Variants in MTMR10 observed in about 807,000 individuals in gnomAD.
The protein encoded by MTMR10 is myotubularin-related protein 10.
A neutral mutation model predicts 88.1 loss-of-function variants in MTMR10; 56 were observed. That is an observed-to-expected ratio of 0.64 (90% CI 0.51 to 0.79). MTMR10 has a LOEUF of 0.79. MTMR10 is among the 30% of genes least tolerant of loss of function. MTMR10 has a pLI of 0.00. For missense variants in MTMR10, 883 were observed against 924.7 expected (o/e 0.95, Z 0.58); for synonymous variants, 380 against 340.9 (o/e 1.11, Z -1.26).
chr15:30,976,913 A>G lies in MTMR10; in HGVS notation c.164T>C (p.Ile55Thr), dbSNP rs1595942033. 1.2e-6 allele frequency: 2 copies of G among 1,613,662 alleles called. No homozygotes were observed. Among genetic ancestry groups the G allele is most frequent in the East Asian group, 2.2e-5 (1 of 44,866 alleles). Residue 55 changes from isoleucine (I) to threonine (T), a missense_variant, in exon 3 of 16, where the codon ATT becomes ACT. Ile to Thr is a moderately conservative substitution (Grantham distance 89). Transcript: ENST00000435680. ...VNEVNFVRKC[I>T]ATDTSQYDLW... is the part of the protein sequence containing the mutation. ...ATCGTACTGGCTTGTGTCTGTTGCA[A>G]TGCATTTTCTCACAAAATTGACTTC...
chr15:30,955,208 C>CA (rs1396528350), intron 9 of MTMR10, among the ~76,000 whole-genome samples: 1 of 152,340 alleles, frequency 6.6e-6, no homozygotes, highest in East Asian at 1.9e-4. Flanking sequence ...TTGACTACTG[C>CA]AGAATGCTGC....
Position 30,991,511 on chromosome 15 carries a change from C to T in MTMR10, c.-5G>A, listed in dbSNP as rs568902405. 9 of 1,532,086 alleles carry T rather than the reference C, an allele frequency of 5.9e-6. No individual in the cohort carries two copies. The highest frequency in any genetic ancestry group is 1.3e-5 in the South Asian group (1 of 79,786). 94.9% of individuals were successfully genotyped at this position (1,532,086 alleles called of 1,614,324 possible). A position where few individuals can be genotyped will look rare whatever the true frequency, so the allele number is the denominator to read the frequency against. On this transcript the variant is annotated 5_prime_UTR_variant, in exon 1 of 16. Transcript: ENST00000435680. ...GGGCGGCTTGAGGGAGAACATGGTG[C>T]CGCCGCCTTTTCGCCCCGTTCCCGT...
chr15:30,960,103 A>G (rs776781096), intron 7 of MTMR10, among the ~76,000 whole-genome samples: 3 of 152,240 alleles, frequency 2.0e-5, no homozygotes, highest in Non-Finnish European at 2.9e-5. Context: ...TGATAGAATT[A>G]GAAGGTGAAC....
Position 30,958,880 on chromosome 15 carries a change from C to T in MTMR10, c.918G>A (p.Gln306=), listed in dbSNP as rs781271203. ...RMALIKDVLQ[Q]RKIDQRICNA... is the part of the protein sequence containing the mutation. ...TCAATTACCTCTGGTCAATCTTCCT[C>T]TGCTGCAGCACGTCTTTGATGAGGG... The change falls in exon 9 of 16, where the codon CAG becomes CAA. Residue 306 remains glutamine (Q), a synonymous_variant. Coordinates refer to ENST00000435680, the MANE Select transcript of MTMR10 (RefSeq NM_017762.3). The T allele has an allele frequency of 3.1e-6, 5 of 1,613,876 alleles. No homozygotes were observed. The South Asian group carries it at 5.5e-5, about 18-fold the overall frequency.
intron 12 of MTMR10, among the ~76,000 whole-genome samples, chr15:30,951,257 T>G (rs2063241748): frequency 6.6e-6 from 1 of 152,230 alleles, no homozygotes; most frequent in South Asian, 2.1e-4. Flanking sequence ...AGTCTAAATT[T>G]CTTCATCTCA....
At chr15:30,938,784 C>G (rs755439177), downstream of MTMR10, among the ~76,000 whole-genome samples, 1 of 152,106 alleles carries the variant, frequency 6.6e-6, no homozygotes, top group South Asian at 2.1e-4. Flanking sequence ...TAGCCACTTC[C>G]GAATTGCTGT....
intron 6 of MTMR10, among the ~76,000 whole-genome samples, chr15:30,967,590 AAAGAT>A (rs2063487826): frequency 6.6e-6 from 1 of 152,184 alleles, no homozygotes; most frequent in African/African-American, 2.4e-5. Flanking sequence ...AGTTTTCTTA[AAAGAT>A]AAGATTACTT....
chr15:30,952,592 C>A (rs1368335824), intron 11 of MTMR10, among the ~76,000 whole-genome samples: 1 of 152,102 alleles, frequency 6.6e-6, no homozygotes, highest in Non-Finnish European at 1.5e-5. Flanking sequence ...TTGTGAACTC[C>A]TGGCCTCAAG....
intron 14 of MTMR10, 43 bp downstream of exon 14, chr15:30,947,087 G>A (rs1433647642): frequency 1.3e-6 from 2 of 1,544,038 alleles, no homozygotes; most frequent in African/African-American, 1.4e-5. Flanking sequence ...CGATAAAGTT[G>A]TAAAAACAGG....
At chr15:30,985,428 C>T (rs1233599686) in intron 2 of MTMR10, among the ~76,000 whole-genome samples, 2 of 152,232 alleles carry the variant, frequency 1.3e-5, no homozygotes, top group Non-Finnish European at 2.9e-5. Context: ...TAAATCTGTA[C>T]CCTAGTGTCA....
At chr15:30,929,135 G>T in the MTMR10 span, 1 of 1,408,252 alleles carries the variant, frequency 7.1e-7, no homozygotes, top group South Asian at 1.2e-5. Flanking sequence ...TGTATGTACT[G>T]ACTAGTCCTC....
intron 2 of MTMR10, among the ~76,000 whole-genome samples, chr15:30,989,410 AC>A (rs1336839682): frequency 6.6e-6 from 1 of 152,148 alleles, no homozygotes; most frequent in Non-Finnish European, 1.5e-5. Flanking sequence ...TTCATATGGA[AC>A]CAAAGTTTGG....
intron 9 of MTMR10, among the ~76,000 whole-genome samples, chr15:30,957,849 CA>C (rs2063348906): frequency 6.6e-6 from 1 of 152,084 alleles, no homozygotes; most frequent in African/African-American, 2.4e-5. Context: ...GGCTGGAGCC[CA>C]GGGGTGGAGG....
In MTMR10 at chr15:30,964,887, T is replaced by A. The variant is rs143969787; in HGVS notation, c.565+3033A>T. Among the ~76,000 whole-genome samples, 746 of 152,300 alleles carry A rather than the reference T, an allele frequency of 4.9e-3. 6 individuals are homozygous for A. The highest frequency in any genetic ancestry group is 0.017 in the African/African-American group (705 of 41,550). On this transcript the variant is annotated intron_variant, in intron 6 of 15. Transcript: ENST00000435680. ...AGATAATTTCCACTGAATTGGCCAA[T>A]TGATATCTAGAATGGCTTCAAGCAA...
Position 30,940,909 on chromosome 15 carries a change from A to G in MTMR10, c.*561T>C. 1 of 1,032,268 alleles carries G rather than the reference A, an allele frequency of 9.7e-7. No individual in the cohort carries two copies. Among genetic ancestry groups the G allele is most frequent in the Middle Eastern group, 4.8e-4 (1 of 2,068 alleles). 63.9% of individuals were successfully genotyped at this position (1,032,268 alleles called of 1,614,324 possible). On this transcript the variant is annotated 3_prime_UTR_variant, in exon 16 of 16. Transcript: ENST00000435680. ...GTTGACCCTATGAAGTTAAAAGCAAACTCATGATTTCAAAACACAGTGATC... is the reference window on the plus strand; with the variant it reads ...GTTGACCCTATGAAGTTAAAAGCAAGCTCATGATTTCAAAACACAGTGATC...
At chr15:30,932,064 T>C in the MTMR10 span, among the ~76,000 whole-genome samples, 5 of 151,436 alleles carry the variant, frequency 3.3e-5, no homozygotes, top group African/African-American at 9.7e-5. Flanking sequence ...CTACTAAAAA[T>C]ACAAAAAATT....
At chr15:30,965,801 T>A in intron 6 of MTMR10, 1 of 302,258 alleles carries the variant, frequency 3.3e-6, no homozygotes, top group South Asian at 3.0e-5. Flanking sequence ...AGCTAAAATA[T>A]CATTTTCTCA....
intron 7 of MTMR10, 80 bp from the exon 8 acceptor site, chr15:30,959,201 A>G: frequency 7.8e-7 from 1 of 1,288,064 alleles, no homozygotes; most frequent in Admixed American, 2.4e-5. Flanking sequence ...ATAAATAATT[A>G]AGCAAGTTGT....
chr15:30,953,461 G>GAGTA, intron 11 of MTMR10, 101 bp downstream of exon 11: 2 of 839,212 alleles, frequency 2.4e-6, no homozygotes, highest in Non-Finnish European at 3.7e-6. Flanking sequence ...GTTGGATGAA[G>GAGTA]AGTAAGTACA....
Sources: gnomAD v4.1 joint callset for allele counts (sites outside exome capture counted in the v4.1 genomes callset) on GRCh38, gnomAD v4.1.1 for gene constraint, MANE v1.5 for transcripts, NCBI Gene and HGNC (gene_info 2026-07-23, HGNC 2026-07-21) for gene names.